SNX25: variants seen among roughly 807,000 people sequenced by gnomAD.
SNX25 encodes sorting nexin-25.
SNX25 carries 62 observed loss-of-function variants against 113.7 expected under a neutral mutation model. The observed-to-expected ratio is 0.55, with a 90% CI of 0.44 to 0.67. The LOEUF (loss-of-function observed/expected upper bound fraction) is 0.67, where lower values mean the gene tolerates loss of function less well. Ranked by LOEUF, SNX25 falls within the 30% of genes least tolerant of loss-of-function variation. SNX25 has a pLI of 0.00. For synonymous variants in SNX25, 421 were observed against 436.2 expected (o/e 0.97, Z 0.43); for missense variants, 1,014 against 1,161.0 (o/e 0.87, Z 1.84).
downstream of SNX25, chr4:185,367,137 T>G: frequency 9.1e-5 from 134 of 1,471,458 alleles, no homozygotes; most frequent in Non-Finnish European, 1.1e-4. Flanking sequence ...ACACACATTG[T>G]GAGGTGTTAG....
At chr4:185,260,951 A>C (rs1747214234) in intron 3 of SNX25, among the ~76,000 whole-genome samples, 1 of 152,200 alleles carries the variant, frequency 6.6e-6, no homozygotes, top group Admixed American at 6.5e-5. Flanking sequence ...AACCTCTGCA[A>C]GCACCTGCTA....
At position 185,301,337 on chromosome 4, in the gene SNX25, G is replaced by A. The variant is rs373175494; in HGVS notation, c.1163-9298G>A. ...ATGGAAGCTCCGCACCCCTTCCCCC[G>A]TACCTTGCCTTGTGCATCTCTTCAT... On this transcript the variant is annotated intron_variant, in intron 6 of 18. Transcript: ENST00000652585. Among the ~76,000 whole-genome samples, 28 of 152,216 alleles carry A rather than the reference G, an allele frequency of 1.8e-4. 1 individual carries two copies. The highest frequency in any genetic ancestry group is 6.3e-4 in the African/African-American group (26 of 41,544).
chr4:185,284,877 C>A (rs1229230910), intron 5 of SNX25, among the ~76,000 whole-genome samples: 1 of 152,074 alleles, frequency 6.6e-6, no homozygotes, highest in African/African-American at 2.4e-5. Flanking sequence ...TAGAGGCATT[C>A]AAAGGACCAT....
chr4:185,334,984 T>C lies in SNX25; in HGVS notation c.1914+2225T>C, dbSNP rs1362326601. 1.3e-5 allele frequency among the ~76,000 whole-genome samples: 2 copies of C among 152,158 alleles called. No individual in the cohort carries two copies. The highest frequency in any genetic ancestry group is 1.3e-4 in the Admixed American group (2 of 15,268). On this transcript the variant is annotated intron_variant, in intron 10 of 18. Coordinates refer to ENST00000652585, the MANE Select transcript of SNX25 (RefSeq NM_001378034.2). The surrounding 1 kb of genome is among the most constrained non-coding windows in gnomAD (Gnocchi z 4.2). The stretch of plus-strand genomic sequence containing the variant: ...CCAGAAGAAGACATAGTCCTCCTTT[T>C]GTCGTTTACTTATGTTGGTAAAAAA...
chr4:185,286,090 G>A (rs1236982044), intron 5 of SNX25, among the ~76,000 whole-genome samples: 4 of 150,550 alleles, frequency 2.7e-5, no homozygotes, highest in Admixed American at 2.6e-4. Context: ...TTTCTGTTTT[G>A]GGGTTTGTTT....
At chr4:185,342,519 A>G (rs1483923113) in intron 12 of SNX25, among the ~76,000 whole-genome samples, 2 of 149,558 alleles carry the variant, frequency 1.3e-5, no homozygotes, top group African/African-American at 2.5e-5. Context: ...GGAGGATTCT[A>G]TCACATATAC....
Position 185,363,655 on chromosome 4 carries a change from T to C in SNX25, c.*190T>C. ...GCTGTGGTAGGCAACAGAAAAAAAC[T>C]TCTATTGATTTTAATTTAATATGAA... On this transcript the variant is annotated 3_prime_UTR_variant, in exon 19 of 19. Transcript: ENST00000652585. The surrounding 1 kb of genome is among the most constrained non-coding windows in gnomAD (Gnocchi z 4.2). 1 of 469,902 alleles carries C rather than the reference T, an allele frequency of 2.1e-6. No homozygotes were observed. Among genetic ancestry groups the C allele is most frequent in the South Asian group, 4.3e-5 (1 of 23,206 alleles). 29.1% of individuals were successfully genotyped at this position (469,902 alleles called of 1,614,324 possible). A position where few individuals can be genotyped will look rare whatever the true frequency, so the allele number is the denominator to read the frequency against.
chr4:185,267,891 ATAT>A (rs994656333), intron 5 of SNX25, among the ~76,000 whole-genome samples: 7 of 152,216 alleles, frequency 4.6e-5, no homozygotes, highest in African/African-American at 1.4e-4. Context: ...AGAAAAGAAA[ATAT>A]TATGAAAACC....
intron 12 of SNX25, among the ~76,000 whole-genome samples, chr4:185,343,573 T>A (rs976674225): frequency 6.6e-6 from 1 of 152,210 alleles, no homozygotes; most frequent in Admixed American, 6.5e-5. Flanking sequence ...TCATAGGACA[T>A]GTACATAGTG....
chr4:185,258,020 A>T (rs1746703919), intron 2 of SNX25, among the ~76,000 whole-genome samples: 1 of 152,228 alleles, frequency 6.6e-6, no homozygotes. Flanking sequence ...TAAAGAGAAC[A>T]CTAAAGAATA....
At chr4:185,367,692 T>G (rs7664573), downstream of SNX25, among the ~76,000 whole-genome samples, 38,600 of 152,072 alleles carry the variant, frequency 0.25, 5,210 homozygotes, top group African/African-American at 0.34. Context: ...ATGTCAACAA[T>G]TTGGGATATA....
intron 1 of SNX25, among the ~76,000 whole-genome samples, chr4:185,240,071 A>G (rs1208362004): frequency 6.6e-6 from 1 of 151,838 alleles, no homozygotes; most frequent in Non-Finnish European, 1.5e-5. Context: ...TTCAGAGAGC[A>G]CAGGGTTGGG....
At chr4:185,240,665 CCCTT>C (rs1260417721) in intron 1 of SNX25, among the ~76,000 whole-genome samples, 4 of 150,410 alleles carry the variant, frequency 2.7e-5, no homozygotes, top group African/African-American at 4.9e-5. Flanking sequence ...CCCCCCACCT[CCCTT>C]CCGGACGGGG....
intron 1 of SNX25, among the ~76,000 whole-genome samples, chr4:185,222,239 C>G (rs1740034354): frequency 1.5e-5 from 1 of 66,008 alleles, no homozygotes; most frequent in Non-Finnish European, 3.4e-5. Context: ...CCATATACCC[C>G]TCCTTCGCGG....
chr4:185,367,339 A>G (rs1358496949), downstream of SNX25: 1 of 1,114,716 alleles, frequency 9.0e-7, no homozygotes, highest in African/African-American at 1.6e-5. Context: ...ATTTTTAAGA[A>G]TAGTAAAGTA....
At chr4:185,212,154 T>G (rs1212599194) in intron 1 of SNX25, among the ~76,000 whole-genome samples, 1 of 152,112 alleles carries the variant, frequency 6.6e-6, no homozygotes, top group Non-Finnish European at 1.5e-5. Context: ...TTAAGTGCAT[T>G]AGGGGCTGGG....
chr4:185,349,935 T>C (rs565532793), intron 13 of SNX25, among the ~76,000 whole-genome samples: 1 of 152,370 alleles, frequency 6.6e-6, no homozygotes, highest in Non-Finnish European at 1.5e-5. Context: ...GGGGAGAACA[T>C]CTCACTACTC....
At chr4:185,245,951 G>C (rs911020125) in intron 1 of SNX25, among the ~76,000 whole-genome samples, 11 of 151,732 alleles carry the variant, frequency 7.2e-5, no homozygotes, top group African/African-American at 2.7e-4. Flanking sequence ...TACTTTTTTG[G>C]ATTTCCATTG....
intron 1 of SNX25, among the ~76,000 whole-genome samples, chr4:185,225,105 T>G (rs1032972985): frequency 2.0e-5 from 3 of 151,840 alleles, no homozygotes; most frequent in Non-Finnish European, 2.9e-5. Context: ...TAGATTTTTA[T>G]ATTCTATGTC....
Sources: allele counts gnomAD v4.1 joint callset (sites outside exome capture counted in the v4.1 genomes callset), GRCh38; gene constraint gnomAD v4.1.1; non-coding constraint Gnocchi (gnomAD v3.1); transcripts MANE v1.5; gene names NCBI Gene and HGNC (gene_info 2026-07-23, HGNC 2026-07-21).